The following MED14 variants were observed in gnomAD, a reference collection of about 807,000 sequenced individuals.
The protein encoded by MED14 is mediator complex subunit 14.
Under a neutral mutation model 109.0 loss-of-function variants are expected in MED14, and 8 were observed. The observed-to-expected ratio is 0.07, with a 90% CI of 0.04 to 0.13. The LOEUF (loss-of-function observed/expected upper bound fraction) is 0.13. Among genes scored for constraint, MED14 ranks in the 10% least tolerant of loss-of-function variants. MED14 has a pLI of 1.00. For missense variants in MED14, 711 were observed against 1,142.4 expected (o/e 0.62, Z 5.44); for synonymous variants, 399 against 408.7 (o/e 0.98, Z 0.29).
intron 2 of MED14, among the ~76,000 whole-genome samples, chrX:40,727,987 C>T (rs1051634965): frequency 8.9e-6 from 1 of 111,997 alleles, no homozygotes; most frequent in African/African-American, 3.2e-5. Flanking sequence ...AGAGAAGAAT[C>T]AAGGGCATAA....
At chrX:40,660,657 A>C (rs1929229737) in intron 26 of MED14, among the ~76,000 whole-genome samples, 1 of 112,178 alleles carries the variant, frequency 8.9e-6, no homozygotes, top group Non-Finnish European at 1.9e-5. Flanking sequence ...GTTTTAGCAG[A>C]GTATGTTGAT....
chrX:40,656,557 C>T (rs1929061856), intron 28 of MED14, among the ~76,000 whole-genome samples: 2 of 112,109 alleles, frequency 1.8e-5, no homozygotes, highest in Admixed American at 9.5e-5. Flanking sequence ...ATATATCCTC[C>T]GACCCAGCAA....
At chrX:40,695,723 G>A (rs1464848885) in intron 13 of MED14, among the ~76,000 whole-genome samples, 1 of 111,890 alleles carries the variant, frequency 8.9e-6, no homozygotes, top group Non-Finnish European at 1.9e-5. Flanking sequence ...GTCTTTTGTA[G>A]TGGGCCAAAT....
intron 3 of MED14, among the ~76,000 whole-genome samples, chrX:40,716,410 T>C (rs1183810854): frequency 9.1e-6 from 1 of 109,948 alleles, no homozygotes; most frequent in African/African-American, 3.3e-5. Context: ...CTGGACAACA[T>C]AGGGAGACCC....
At chrX:40,725,059 T>C (rs1006777400) in intron 3 of MED14, among the ~76,000 whole-genome samples, 1 of 111,799 alleles carries the variant, frequency 8.9e-6, no homozygotes, top group Non-Finnish European at 1.9e-5. Context: ...TTGGAAAATC[T>C]AGAGGAAATG....
intron 23 of MED14, among the ~76,000 whole-genome samples, chrX:40,670,701 C>T (rs1166788903): frequency 2.8e-5 from 3 of 107,795 alleles, no homozygotes; most frequent in Admixed American, 9.8e-5. Context: ...GCGGAGCTTG[C>T]AGTGAGCCGA....
At position 40,675,235 on chromosome X, in the gene MED14, G is replaced by A; in HGVS notation, c.3007C>T (p.Pro1003Ser). The change falls in exon 22 of 31, where the codon CCA becomes TCA. Residue 1003 changes from proline (P) to serine (S), a missense_variant. Pro to Ser is a moderately conservative substitution (Grantham distance 74). Around this residue, in one of 8 missense-constraint regions of MED14, gnomAD observed 100 missense variants for 147.5 expected, o/e 0.68. Transcript: ENST00000324817. ...CTAGATATTACCTGTTGCTGGGGTG[G>A]TGGCTGGAGCTGCGATATTAAAGAA... ...MDSLISQLQP[P>S]PQQQPFPKQP... is the part of the protein sequence containing the mutation. The A allele has an allele frequency of 1.7e-6, 2 of 1,185,264 alleles. No homozygotes were observed. Among genetic ancestry groups the A allele is most frequent in the Non-Finnish European group, 2.3e-6 (2 of 884,805 alleles).
chrX:40,711,423 C>T (rs1931332483), intron 7 of MED14, 122 bp from the exon 8 acceptor site: 1 of 494,060 alleles, frequency 2.0e-6, no homozygotes, highest in Non-Finnish European at 3.2e-6. Context: ...AAGAAAATTT[C>T]TGAAATGATT....
Position 40,692,226 on chromosome X carries a change from G to C in MED14, c.1937C>G (p.Ala646Gly). 1 of 1,209,130 alleles carries C rather than the reference G, an allele frequency of 8.3e-7. No individual in the cohort carries two copies. Among genetic ancestry groups the C allele is most frequent in the Non-Finnish European group, 1.1e-6 (1 of 893,853 alleles). ...AFNKVLAHFV[A>G]MCDTNMPFVG... ...AAATGGCATATTTGTATCACACATAGCGACGAAGTGGGCTAAAACTTTATT... is the reference window on the plus strand; with the variant it reads ...AAATGGCATATTTGTATCACACATACCGACGAAGTGGGCTAAAACTTTATT... The change falls in exon 15 of 31, where the codon GCT becomes GGT. Residue 646 changes from alanine (A) to glycine (G), a missense_variant. Physicochemically the swap from Ala to Gly is moderately conservative, Grantham distance 60. Transcript: ENST00000324817.
Position 40,682,730 on chromosome X carries a change from G to A in MED14, c.2238C>T (p.Tyr746=), listed in dbSNP as rs765988609. ...TREQGPSRHV[Y]LTYENLLSEP... is the part of the protein sequence containing the mutation. The stretch of plus-strand genomic sequence containing the variant: ...CAGACAACAGATTTTCATATGTCAG[G>A]TAAACGTGCCGGGATGGTCCTACAG... Residue 746 remains tyrosine, a synonymous_variant, in exon 18 of 31, where the codon TAC becomes TAT. Transcript: ENST00000324817. The A allele has an allele frequency of 8.3e-7, 1 of 1,208,556 alleles. No individual in the cohort carries two copies. The highest frequency in any genetic ancestry group is 1.8e-5 in the South Asian group (1 of 56,728).
At chrX:40,685,540 C>T (rs183499130) in intron 16 of MED14, among the ~76,000 whole-genome samples, 1 of 112,506 alleles carries the variant, frequency 8.9e-6, no homozygotes, top group Admixed American at 9.4e-5. Flanking sequence ...GAAAAACCCT[C>T]GTGGGTGTGG....
At chrX:40,655,399 C>T (rs1307097944) in intron 28 of MED14, among the ~76,000 whole-genome samples, 1 of 111,277 alleles carries the variant, frequency 9.0e-6, no homozygotes, top group Non-Finnish European at 1.9e-5. Context: ...CTGTGCTCCC[C>T]TAACAGCTCT....
At chrX:40,671,327 G>A (rs750756767) in intron 23 of MED14, among the ~76,000 whole-genome samples, 4 of 111,803 alleles carry the variant, frequency 3.6e-5, no homozygotes, top group South Asian at 7.4e-4. Flanking sequence ...GCACTTTTAC[G>A]GTGCACTTCA....
In MED14 at chrX:40,651,250, C is replaced by T. The variant is rs769992325; in HGVS notation, c.*556G>A. On this transcript the variant is annotated 3_prime_UTR_variant, in exon 31 of 31. Transcript: ENST00000324817. ...CTAAGATGTCTCTAGAGTTTATATA[C>T]ACACAAGTGAGTGTCACTGTTTTGT... The T allele has an allele frequency of 3.7e-5, 28 of 752,442 alleles. No individual in the cohort carries two copies. In the African/African-American group the frequency reaches 6.0e-4, roughly 16 times the overall value. The allele number at this position is 752,442 out of a possible 1,213,427, so 62.0% of individuals were successfully genotyped here.
chrX:40,701,704 A>C (rs1245352862), intron 11 of MED14, among the ~76,000 whole-genome samples: 3 of 112,249 alleles, frequency 2.7e-5, no homozygotes, highest in Non-Finnish European at 5.6e-5. Flanking sequence ...CTGCTGGCTG[A>C]AGATCAGCTT....
intron 28 of MED14, among the ~76,000 whole-genome samples, chrX:40,655,854 G>A (rs1385491673): frequency 9.0e-6 from 1 of 111,284 alleles, no homozygotes; most frequent in Non-Finnish European, 1.9e-5. Context: ...GGTAATTGAA[G>A]TTACTCAAAT....
intron 28 of MED14, among the ~76,000 whole-genome samples, chrX:40,656,488 T>C (rs771273827): frequency 3.6e-5 from 4 of 112,218 alleles, no homozygotes; most frequent in Non-Finnish European, 7.5e-5. Context: ...GGTGGGAATA[T>C]AAACTGGCAT....
chrX:40,664,672 A>G (rs1929412641), intron 24 of MED14, among the ~76,000 whole-genome samples, 183 bp from the exon 25 acceptor site: 1 of 112,171 alleles, frequency 8.9e-6, no homozygotes, highest in Non-Finnish European at 1.9e-5. Flanking sequence ...GGTACTTTTT[A>G]ACATGATACA....
chrX:40,704,299 A>C (rs1448044664), intron 10 of MED14, among the ~76,000 whole-genome samples: 2 of 112,178 alleles, frequency 1.8e-5, no homozygotes, highest in Non-Finnish European at 3.8e-5. Context: ...AAAACACACT[A>C]AGTGCTGATC....
Sources: gnomAD v4.1 joint callset for allele counts (sites outside exome capture counted in the v4.1 genomes callset) on GRCh38, gnomAD v4.1.1 for gene constraint, gnomAD v4.1.1 regional missense constraint, MANE v1.5 for transcripts, NCBI Gene and HGNC (gene_info 2026-07-23, HGNC 2026-07-21) for gene names.